The following UBE2O variants were observed in gnomAD, a reference collection of about 807,000 sequenced individuals.
UBE2O encodes the protein ubiquitin conjugating enzyme E2 O, also known as (E3-independent) E2 ubiquitin-conjugating enzyme.
A neutral mutation model predicts 125.8 loss-of-function variants in UBE2O; 15 were observed. That is an observed-to-expected ratio of 0.12 (90% CI 0.08 to 0.18). UBE2O has a LOEUF of 0.18. Ranked by LOEUF, UBE2O falls within the 10% of genes least tolerant of loss-of-function variation. UBE2O has a pLI of 1.00. For synonymous variants in UBE2O, 708 were observed against 703.2 expected, an observed-to-expected ratio of 1.01 and a Z score of -0.11; for missense variants, 1,280 against 1,723.6, an observed-to-expected ratio of 0.74 and a Z score of 4.56.
At chr17:76,418,815 C>A (rs1306604471) in intron 1 of UBE2O, among the ~76,000 whole-genome samples, 1 of 152,234 alleles carries the variant, frequency 6.6e-6, no homozygotes, top group East Asian at 1.9e-4. Context: ...GTGATCCACC[C>A]GCGTCGGCCT....
Position 76,396,686 on chromosome 17 carries a change from C to A in UBE2O, c.2251G>T (p.Glu751Ter). Residue 751 changes from glutamate (E) to a stop codon, truncating the protein, a stop_gained, in exon 14 of 18, where the codon GAG becomes TAG. Coordinates refer to ENST00000319380, the MANE Select transcript of UBE2O (RefSeq NM_022066.4). LOFTEE classifies it high-confidence loss of function. This position sits in a 1 kb window ranked among gnomAD's most constrained non-coding sequence, Gnocchi z 6.7. The stretch of plus-strand genomic sequence containing the variant: ...GGGGGCTCCTCTATCTTGGGGTGCT[C>A]GTCCTCCACCAGCCCATTGTCCGTC... ...WETDNGLVEDEHPKIEEPPIP... is the reference protein window; with the variant it reads ...WETDNGLVED 1 of 1,613,776 alleles carries A rather than the reference C, an allele frequency of 6.2e-7. No individual in the cohort carries two copies. The highest frequency in any genetic ancestry group is 8.5e-7 in the Non-Finnish European group (1 of 1,180,006).
chr17:76,412,478 G>C (rs544488832), intron 1 of UBE2O, among the ~76,000 whole-genome samples: 1 of 152,106 alleles, frequency 6.6e-6, no homozygotes, highest in Non-Finnish European at 1.5e-5. Flanking sequence ...GTGGCCAACT[G>C]GGGGTGTGGG....
chr17:76,417,646 T>G (rs1182029437), intron 1 of UBE2O, among the ~76,000 whole-genome samples: 1 of 152,128 alleles, frequency 6.6e-6, no homozygotes, highest in East Asian at 1.9e-4. Context: ...GAGCTGGGTC[T>G]TTAGAGGCCA....
At chr17:76,438,203 A>G (rs2073028239) in intron 1 of UBE2O, among the ~76,000 whole-genome samples, 1 of 152,150 alleles carries the variant, frequency 6.6e-6, no homozygotes. Flanking sequence ...AGGAGTTATT[A>G]TTTAATTGAG....
chr17:76,393,506 T>G (rs1598578916), intron 15 of UBE2O, among the ~76,000 whole-genome samples: 2 of 152,040 alleles, frequency 1.3e-5, no homozygotes, highest in East Asian at 3.9e-4. Context: ...GTGCTGGGAT[T>G]ACAGGCGTGA....
Position 76,425,930 on chromosome 17 carries a change from A to T in UBE2O, c.418-20358T>A, listed in dbSNP as rs532864700. Among the ~76,000 whole-genome samples the T allele has an allele frequency of 5.1e-4, 77 of 152,222 alleles. No individual in the cohort carries two copies. In the Middle Eastern group the frequency reaches 0.01, roughly 20 times the overall value. On this transcript the variant is annotated intron_variant, in intron 1 of 17. Transcript: ENST00000319380. ...ATCCCGTTTCCTGGATCCTGGGAAA[A>T]GTCCCTGGTTTTGGTGAAGAACAAC...
chr17:76,444,114 G>C (rs904200425), intron 1 of UBE2O, among the ~76,000 whole-genome samples: 9 of 152,114 alleles, frequency 5.9e-5, no homozygotes, highest in African/African-American at 2.2e-4. Flanking sequence ...CCAGCTACTT[G>C]GGAGGCTGAG....
intron 1 of UBE2O, among the ~76,000 whole-genome samples, chr17:76,429,195 C>T (rs1233634665): frequency 6.6e-6 from 1 of 151,824 alleles, no homozygotes; most frequent in African/African-American, 2.4e-5. Flanking sequence ...CCACCGCGTC[C>T]AGCCAGCCCT....
rs1403141209 is a variant in UBE2O at position 76,405,707 on chromosome 17, T to C, written c.418-135A>G. On this transcript the variant is annotated intron_variant, in intron 1 of 17. Coordinates refer to ENST00000319380, the MANE Select transcript of UBE2O (RefSeq NM_022066.4). This position sits in a 1 kb window ranked among gnomAD's most constrained non-coding sequence, Gnocchi z 6.1. ...AATCCTAAGCGTTTGGCTAGCAGTA[T>C]CTTCACAGACCGCACACACCTCCGA... 7 of 785,618 alleles carry C rather than the reference T, an allele frequency of 8.9e-6. No individual in the cohort carries two copies. Among genetic ancestry groups the C allele is most frequent in the African/African-American group, 5.2e-5 (3 of 57,908 alleles). The allele number at this position is 785,618 out of a possible 1,614,324, so 48.7% of individuals were successfully genotyped here. A position where few individuals can be genotyped will look rare whatever the true frequency, so the allele number is the denominator to read the frequency against.
rs545542100 is a variant in UBE2O at position 76,443,767 on chromosome 17, G to A, written c.417+8958C>T. Among the ~76,000 whole-genome samples the A allele has an allele frequency of 2.6e-5, 4 of 152,262 alleles. No individual in the cohort carries two copies. The South Asian group carries it at 6.2e-4, about 24-fold the overall frequency. On this transcript the variant is annotated intron_variant, in intron 1 of 17. Coordinates refer to ENST00000319380, the MANE Select transcript of UBE2O (RefSeq NM_022066.4). ...AGGTACCAGATGCAGCTACAAGCAGGGAGGTCACTCCAAAAAACTGGGGAG... is the reference window on the plus strand; with the variant it reads ...AGGTACCAGATGCAGCTACAAGCAGAGAGGTCACTCCAAAAAACTGGGGAG...
intron 13 of UBE2O, among the ~76,000 whole-genome samples, chr17:76,397,208 A>G (rs950337859): frequency 1.3e-5 from 2 of 152,194 alleles, no homozygotes; most frequent in Non-Finnish European, 2.9e-5. Context: ...CTGGGAACAT[A>G]TGACAAGAGG....
At chr17:76,393,405 TTTGTATTTTAA>T (rs1301695391) in intron 15 of UBE2O, among the ~76,000 whole-genome samples, 1 of 151,902 alleles carries the variant, frequency 6.6e-6, no homozygotes, top group African/African-American at 2.4e-5. Flanking sequence ...CGGCTAATTT[TTTGTATTTTAA>T]TAGAGACGGG....
At position 76,401,159 on chromosome 17, in the gene UBE2O, G is replaced by A. The variant is rs371507668; in HGVS notation, c.751-5C>T. ...GGAATCATCGAAGAAGAGACCCTGCGGGATGTGGGGCCAAAGGAAAGTCCC... is the reference window on the plus strand; with the variant it reads ...GGAATCATCGAAGAAGAGACCCTGCAGGATGTGGGGCCAAAGGAAAGTCCC... On this transcript the variant is annotated splice_region_variant and splice_polypyrimidine_tract_variant and intron_variant, in intron 5 of 17. Coordinates refer to ENST00000319380, the MANE Select transcript of UBE2O (RefSeq NM_022066.4). 31 of 1,612,812 alleles carry A rather than the reference G, an allele frequency of 1.9e-5. No homozygotes were observed. The highest frequency in any genetic ancestry group is 1.1e-4 in the African/African-American group (8 of 74,912).
chr17:76,421,584 T>TC (rs2072712776), intron 1 of UBE2O, among the ~76,000 whole-genome samples: 1 of 152,080 alleles, frequency 6.6e-6, no homozygotes, highest in Non-Finnish European at 1.5e-5. Context: ...AGGCTGGTCT[T>TC]GAACTTCCGA....
rs1394520864 is a variant in UBE2O at position 76,391,476 on chromosome 17, C to G, written c.3346G>C (p.Val1116Leu). The stretch of plus-strand genomic sequence containing the variant: ...TCAAAGACCTCGGGGGGCCGCCGCA[C>G]CAGCTGGGTCATGGACTGCACCACG... Reference protein sequence around the residue: ...IRVVQSMTQLVRRPPEVFEQE... With the variant: ...IRVVQSMTQLLRRPPEVFEQE... Residue 1116 changes from valine to leucine, a missense_variant, in exon 18 of 18, where the codon GTG becomes CTG. Physicochemically the swap from Val to Leu is conservative, Grantham distance 32. Around this residue, in one of 10 missense-constraint regions of UBE2O, gnomAD observed 233 missense variants for 279.0 expected, o/e 0.84. Coordinates refer to ENST00000319380, the MANE Select transcript of UBE2O (RefSeq NM_022066.4). The surrounding 1 kb of genome is among the most constrained non-coding windows in gnomAD (Gnocchi z 8.4). 5 of 1,613,882 alleles carry G rather than the reference C, an allele frequency of 3.1e-6. No individual in the cohort carries two copies. The highest frequency in any genetic ancestry group is 1.7e-5 in the Admixed American group (1 of 60,016).
chr17:76,395,665 C>A lies in UBE2O; in HGVS notation c.2946+60G>T. On this transcript the variant is annotated intron_variant, in intron 15 of 17. Coordinates refer to ENST00000319380, the MANE Select transcript of UBE2O (RefSeq NM_022066.4). The surrounding 1 kb of genome is among the most constrained non-coding windows in gnomAD (Gnocchi z 5.0). ...GGTTTGGGGACCCAAGGTTGGTGGC[C>A]TCTTGGGCACTGGGTGCCCACACAG... 1.3e-6 allele frequency: 2 copies of A among 1,555,284 alleles called. No individual in the cohort carries two copies. Among genetic ancestry groups the A allele is most frequent in the Non-Finnish European group, 1.7e-6 (2 of 1,152,820 alleles).
At chr17:76,401,196 T>A in intron 5 of UBE2O, 42 bp from the exon 6 acceptor site, 2 of 1,602,692 alleles carry the variant, frequency 1.2e-6, no homozygotes, top group South Asian at 2.2e-5. Context: ...GTGAGCGGTG[T>A]CTCCATGGGT....
chr17:76,392,125 G>T lies in UBE2O; in HGVS notation c.2947-12C>A. 7.0e-7 allele frequency: 1 copy of T among 1,420,034 alleles called. No homozygotes were observed. Among genetic ancestry groups the T allele is most frequent in the Non-Finnish European group, 9.4e-7 (1 of 1,060,910 alleles). The allele number at this position is 1,420,034 out of a possible 1,614,324, so 88.0% of individuals were successfully genotyped here. Reference sequence around the variant, plus strand: ...GCTGAGAAGAGGTCCTAGGTAGGGAGGGAGGGAGGGAGGCCAAGGTTGGCA... The same window carrying T: ...GCTGAGAAGAGGTCCTAGGTAGGGATGGAGGGAGGGAGGCCAAGGTTGGCA... On this transcript the variant is annotated splice_polypyrimidine_tract_variant and intron_variant, in intron 15 of 17. Coordinates refer to ENST00000319380, the MANE Select transcript of UBE2O (RefSeq NM_022066.4).
intron 1 of UBE2O, among the ~76,000 whole-genome samples, chr17:76,424,428 C>T (rs900255796): frequency 6.6e-6 from 1 of 151,054 alleles, no homozygotes; most frequent in African/African-American, 2.4e-5. Context: ...AGGCTGGTCT[C>T]GAACTCCTGA....
Sources: allele counts gnomAD v4.1 joint callset (sites outside exome capture counted in the v4.1 genomes callset), GRCh38; gene constraint gnomAD v4.1.1; regional missense constraint gnomAD v4.1.1; non-coding constraint Gnocchi (gnomAD v3.1); transcripts MANE v1.5; gene names NCBI Gene and HGNC (gene_info 2026-07-23, HGNC 2026-07-21).